ATP6V0D2: variants seen among roughly 807,000 people sequenced by gnomAD.
The protein encoded by ATP6V0D2 is ATPase H+ transporting V0 subunit d2, also known as V-type proton ATPase subunit d 2.
ATP6V0D2 carries 40 observed loss-of-function variants against 40.0 expected under a neutral mutation model. The observed-to-expected ratio is 1.00, with a 90% CI of 0.78 to 1.30. ATP6V0D2 has a LOEUF of 1.30. Ranked by LOEUF, ATP6V0D2 falls within the 50% of genes most tolerant of loss-of-function variation. The pLI is 0.00. For missense variants in ATP6V0D2, 470 were observed against 423.1 expected, an observed-to-expected ratio of 1.11 and a Z score of -0.97; for synonymous variants, 179 against 156.3, an observed-to-expected ratio of 1.15 and a Z score of -1.08.
chr8:86,116,806 C>T (rs1270931336), intron 2 of ATP6V0D2, among the ~76,000 whole-genome samples: 2 of 152,104 alleles, frequency 1.3e-5, no homozygotes, highest in Non-Finnish European at 2.9e-5. Flanking sequence ...TTTCTAAGTT[C>T]TCAACAAAGG....
chr8:86,149,781 CT>C (rs543841814), intron 5 of ATP6V0D2, among the ~76,000 whole-genome samples: 15 of 152,200 alleles, frequency 9.9e-5, no homozygotes, highest in South Asian at 2.1e-4. Context: ...AGGTATTCTC[CT>C]TTTTATAGAA....
chr8:86,145,544 A>G (rs1438461801), intron 5 of ATP6V0D2, among the ~76,000 whole-genome samples: 2 of 152,208 alleles, frequency 1.3e-5, no homozygotes, highest in Admixed American at 6.5e-5. Flanking sequence ...TTATACAGAA[A>G]GTGGATATCG....
intron 2 of ATP6V0D2, among the ~76,000 whole-genome samples, chr8:86,124,997 G>T (rs1818721090): frequency 6.6e-6 from 1 of 152,300 alleles, no homozygotes; most frequent in South Asian, 2.1e-4. Flanking sequence ...CATGAAGGAG[G>T]TGATGCCCAA....
chr8:86,148,998 G>T (rs2129643359), intron 5 of ATP6V0D2, among the ~76,000 whole-genome samples: 1 of 120,606 alleles, frequency 8.3e-6, no homozygotes, highest in Admixed American at 1.1e-4. Flanking sequence ...AGTGAGTCCT[G>T]ACCCCACCAC....
chr8:86,106,999 G>A (rs1479749132), intron 1 of ATP6V0D2, among the ~76,000 whole-genome samples: 1 of 149,016 alleles, frequency 6.7e-6, no homozygotes, highest in African/African-American at 2.5e-5. Flanking sequence ...TTATGCCACC[G>A]TACTTTAGCC....
At chr8:86,118,085 C>CTT (rs1222811419) in intron 2 of ATP6V0D2, among the ~76,000 whole-genome samples, 399 of 27,492 alleles carry the variant, frequency 0.015, no homozygotes, top group East Asian at 0.022. Flanking sequence ...TTCTTTCTTT[C>CTT]TTTTTTTTTT....
At chr8:86,113,053 G>T (rs1818544753) in intron 1 of ATP6V0D2, among the ~76,000 whole-genome samples, 1 of 151,474 alleles carries the variant, frequency 6.6e-6, no homozygotes, top group African/African-American at 2.4e-5. Flanking sequence ...TGGAGCATTT[G>T]TATCCTCAAC....
chr8:86,137,504 C>G (rs1249667504), intron 2 of ATP6V0D2, among the ~76,000 whole-genome samples: 1 of 152,184 alleles, frequency 6.6e-6, no homozygotes, highest in African/African-American at 2.4e-5. Context: ...CTAACCCCTC[C>G]TGACCCGCTC....
chr8:86,130,998 T>C (rs965153467), intron 2 of ATP6V0D2, among the ~76,000 whole-genome samples: 1 of 152,090 alleles, frequency 6.6e-6, no homozygotes, highest in Non-Finnish European at 1.5e-5. Context: ...TTGGATTTTA[T>C]CTTAGAGATA....
chr8:86,117,415 T>C (rs1008939027), intron 2 of ATP6V0D2, among the ~76,000 whole-genome samples: 3 of 152,210 alleles, frequency 2.0e-5, no homozygotes, highest in African/African-American at 7.2e-5. Flanking sequence ...GCTCAAATTG[T>C]TTTCCCAAAT....
At chr8:86,124,874 A>G (rs77544718) in intron 2 of ATP6V0D2, among the ~76,000 whole-genome samples, 2,388 of 152,302 alleles carry the variant, frequency 0.016, 62 homozygotes, top group African/African-American at 0.054. Context: ...AAAAATGTAT[A>G]CTTATACAAT....
rs530035423 is a variant in ATP6V0D2 at position 86,153,062 on chromosome 8, C to G, written c.*85C>G. 3 of 1,200,254 alleles carry G rather than the reference C, an allele frequency of 2.5e-6. No homozygotes were observed. Among genetic ancestry groups the G allele is most frequent in the East Asian group, 2.7e-5 (1 of 36,802 alleles). 74.4% of individuals were successfully genotyped at this position (1,200,254 alleles called of 1,614,324 possible). On this transcript the variant is annotated 3_prime_UTR_variant, in exon 8 of 8. Transcript: ENST00000285393. ...AATAAAAGAAATTATGTTATATTATCTAGACTACACAAAAGTAAGCCACAC... is the reference window on the plus strand; with the variant it reads ...AATAAAAGAAATTATGTTATATTATGTAGACTACACAAAAGTAAGCCACAC...
Position 86,098,964 on chromosome 8 carries a change from T to G in ATP6V0D2, c.-15T>G, listed in dbSNP as rs1158619216. On this transcript the variant is annotated 5_prime_UTR_variant, in exon 1 of 8. Coordinates refer to ENST00000285393, the MANE Select transcript of ATP6V0D2 (RefSeq NM_152565.1). ...AGAGCTGTTTCACCCTACCTTGGCT[T>G]CAATCTCTTCCCCCATGCTCGAAGG... The G allele has an allele frequency of 1.2e-5, 19 of 1,612,274 alleles. No individual in the cohort carries two copies. The highest frequency in any genetic ancestry group is 1.4e-5 in the Non-Finnish European group (17 of 1,179,318).
In ATP6V0D2 at chr8:86,126,252, A is replaced by ATATATATATGTATG. The variant is rs1554588455; in HGVS notation, c.302+12381_302+12382insGTATGTATATATAT. ...GTGCTCAGCCTATATATATATATAT[A>ATATATATATGTATG]TATATATATATCTTTTTGTATATAG... is the stretch of plus-strand genomic sequence containing the variant. On this transcript the variant is annotated intron_variant, in intron 2 of 7. Transcript: ENST00000285393. Among the ~76,000 whole-genome samples the ATATATATATGTATG allele has an allele frequency of 4.1e-3, 561 of 135,826 alleles. 42 individuals are homozygous for ATATATATATGTATG. Among genetic ancestry groups the ATATATATATGTATG allele is most frequent in the Non-Finnish European group, 7.4e-3 (459 of 62,048 alleles). The allele number at this position is 135,826 out of a possible 152,430, so 89.1% of individuals were successfully genotyped here.
At chr8:86,137,017 A>T (rs930661330) in intron 2 of ATP6V0D2, among the ~76,000 whole-genome samples, 1 of 151,386 alleles carries the variant, frequency 6.6e-6, no homozygotes, top group Non-Finnish European at 1.5e-5. Context: ...CACATATTAA[A>T]ACTAAAAATC....
chr8:86,118,676 C>T (rs1818627853), intron 2 of ATP6V0D2, among the ~76,000 whole-genome samples: 1 of 152,052 alleles, frequency 6.6e-6, no homozygotes, highest in South Asian at 2.1e-4. Flanking sequence ...ATTATGGAAA[C>T]AGTAAAGATT....
At chr8:86,100,878 CA>C (rs960330893) in intron 1 of ATP6V0D2, among the ~76,000 whole-genome samples, 4 of 146,958 alleles carry the variant, frequency 2.7e-5, no homozygotes, top group African/African-American at 1.0e-4. Context: ...AAGAAGGAAA[CA>C]AAAAAAAGAA....
At chr8:86,149,463 A>C (rs1819113843) in intron 5 of ATP6V0D2, among the ~76,000 whole-genome samples, 1 of 152,198 alleles carries the variant, frequency 6.6e-6, no homozygotes, top group African/African-American at 2.4e-5. Context: ...TCATGTAGCC[A>C]CATTCCAGCA....
chr8:86,151,561 C>T (rs1251393007), intron 7 of ATP6V0D2, 21 bp downstream of exon 7: 1 of 1,560,424 alleles, frequency 6.4e-7, no homozygotes, highest in Non-Finnish European at 8.7e-7. Flanking sequence ...AGTGGAAATA[C>T]TATTAGCTTA....
Sources: allele counts gnomAD v4.1 joint callset (sites outside exome capture counted in the v4.1 genomes callset), GRCh38; gene constraint gnomAD v4.1.1; transcripts MANE v1.5; gene names NCBI Gene and HGNC (gene_info 2026-07-23, HGNC 2026-07-21).